FBXL7: variants seen among roughly 807,000 people sequenced by gnomAD.
The protein encoded by FBXL7 is F-box/LRR-repeat protein 7.
FBXL7 carries 12 observed loss-of-function variants against 38.3 expected under a neutral mutation model. The ratio of observed to expected loss-of-function variants is 0.31; its 90% CI spans 0.20 to 0.51. The LOEUF is 0.51. Among genes scored for constraint, FBXL7 ranks in the 20% least tolerant of loss-of-function variants. The pLI, the probability that FBXL7 is intolerant of heterozygous loss-of-function variation, is 0.98. For missense variants in FBXL7, 567 were observed against 676.4 expected (o/e 0.84, Z 1.79); for synonymous variants, 297 against 300.9 (o/e 0.99, Z 0.13).
At chr5:15,737,343 A>G (rs1378224588) in intron 2 of FBXL7, among the ~76,000 whole-genome samples, 1 of 152,146 alleles carries the variant, frequency 6.6e-6, no homozygotes, top group Non-Finnish European at 1.5e-5. Flanking sequence ...CTCCCTACAG[A>G]TGTTCAACAA....
At chr5:15,693,922 G>A (rs983654328) in intron 2 of FBXL7, among the ~76,000 whole-genome samples, 3 of 152,116 alleles carry the variant, frequency 2.0e-5, no homozygotes, top group African/African-American at 7.2e-5. Context: ...CCAAGCCCAC[G>A]TGTGATCCAA....
At chr5:15,518,597 G>A (rs888541560) in intron 1 of FBXL7, among the ~76,000 whole-genome samples, 3 of 152,172 alleles carry the variant, frequency 2.0e-5, no homozygotes, top group African/African-American at 4.8e-5. Flanking sequence ...CGAATTGGCT[G>A]AAGGGATTGA....
chr5:15,512,036 A>C (rs1736809185), intron 1 of FBXL7, among the ~76,000 whole-genome samples: 1 of 152,228 alleles, frequency 6.6e-6, no homozygotes, highest in South Asian at 2.1e-4. Context: ...TGGGACATTA[A>C]GACAAAGTTA....
intron 1 of FBXL7, among the ~76,000 whole-genome samples, chr5:15,594,807 A>C (rs776840761): frequency 6.6e-6 from 1 of 152,158 alleles, no homozygotes; most frequent in Non-Finnish European, 1.5e-5. Flanking sequence ...TCTTCTTTGC[A>C]TGTTGCAGAA....
intron 1 of FBXL7, among the ~76,000 whole-genome samples, chr5:15,515,585 G>T (rs1258193236): frequency 6.6e-6 from 1 of 152,164 alleles, no homozygotes; most frequent in Non-Finnish European, 1.5e-5. Flanking sequence ...GCTCACAATA[G>T]TTGGTGAGTA....
intron 2 of FBXL7, among the ~76,000 whole-genome samples, chr5:15,887,549 C>G (rs1740727021): frequency 6.6e-6 from 1 of 152,172 alleles, no homozygotes; most frequent in Admixed American, 6.5e-5. Flanking sequence ...GAAATGGCTC[C>G]AAACCATCAA....
intron 2 of FBXL7, among the ~76,000 whole-genome samples, chr5:15,692,785 G>A (rs1743222465): frequency 6.6e-6 from 1 of 152,184 alleles, no homozygotes; most frequent in Admixed American, 6.5e-5. Context: ...GTGCCTACAT[G>A]AAGTCTGCTC....
intron 2 of FBXL7, among the ~76,000 whole-genome samples, chr5:15,683,594 C>A (rs183570727): frequency 7.9e-5 from 12 of 152,252 alleles, no homozygotes. Flanking sequence ...AAATTTATTT[C>A]ACAATAGACT....
intron 2 of FBXL7, among the ~76,000 whole-genome samples, chr5:15,768,186 T>C (rs1579446658): frequency 1.3e-5 from 2 of 152,296 alleles, no homozygotes; most frequent in East Asian, 3.9e-4. Context: ...CCTACTACTT[T>C]ACAGGTAGAG....
chr5:15,896,761 G>GA lies in FBXL7; in HGVS notation c.128-31117dup, dbSNP rs397944731. ...TAATAACTCAATCTGAACATGAGAA[G>GA]AAAAAAAAAAAACCCAGATTTGCCC... On this transcript the variant is annotated intron_variant, in intron 2 of 3. Transcript: ENST00000504595. Among the ~76,000 whole-genome samples, 1,294 of 140,806 alleles carry GA rather than the reference G, an allele frequency of 9.2e-3. 20 individuals are homozygous for GA. The highest frequency in any genetic ancestry group is 0.028 in the African/African-American group (1,078 of 38,608). 92.4% of individuals were successfully genotyped at this position (140,806 alleles called of 152,430 possible).
At chr5:15,628,595 G>T (rs554848420) in intron 2 of FBXL7, among the ~76,000 whole-genome samples, 1 of 152,200 alleles carries the variant, frequency 6.6e-6, no homozygotes, top group African/African-American at 2.4e-5. Flanking sequence ...GCCAACTTCT[G>T]AATAATCCAT....
At chr5:15,637,601 A>G (rs1741228014) in intron 2 of FBXL7, among the ~76,000 whole-genome samples, 1 of 152,200 alleles carries the variant, frequency 6.6e-6, no homozygotes, top group African/African-American at 2.4e-5. Context: ...ACCATTCTAT[A>G]TTGGTTACTT....
chr5:15,818,466 T>TA (rs1353831497), intron 2 of FBXL7, among the ~76,000 whole-genome samples: 2 of 105,326 alleles, frequency 1.9e-5, no homozygotes, highest in African/African-American at 2.8e-5. Context: ...TCCTTTCTTT[T>TA]AAAAAATCTT....
intron 2 of FBXL7, among the ~76,000 whole-genome samples, chr5:15,641,590 G>A (rs1741371028): frequency 6.6e-6 from 1 of 151,652 alleles, no homozygotes; most frequent in African/African-American, 2.4e-5. Flanking sequence ...TAAATATGAT[G>A]TCGGGGTGTG....
At chr5:15,861,037 AC>A (rs1739451777) in intron 2 of FBXL7, among the ~76,000 whole-genome samples, 1 of 152,180 alleles carries the variant, frequency 6.6e-6, no homozygotes, top group Non-Finnish European at 1.5e-5. Flanking sequence ...ATGGCATTCC[AC>A]AGTGGTACAT....
At chr5:15,860,443 G>A (rs1274023039) in intron 2 of FBXL7, among the ~76,000 whole-genome samples, 2 of 152,174 alleles carry the variant, frequency 1.3e-5, no homozygotes, top group East Asian at 3.9e-4. Context: ...GTGCATCCAG[G>A]CTACCAATAA....
At chr5:15,534,161 C>A (rs1165259860) in intron 1 of FBXL7, among the ~76,000 whole-genome samples, 4 of 152,174 alleles carry the variant, frequency 2.6e-5, no homozygotes, top group African/African-American at 7.2e-5. Flanking sequence ...AATCAGTAAA[C>A]CTACATTGAC....
intron 2 of FBXL7, among the ~76,000 whole-genome samples, chr5:15,816,097 A>G (rs1168990369): frequency 2.6e-5 from 4 of 152,104 alleles, no homozygotes; most frequent in Non-Finnish European, 5.9e-5. Context: ...GTTAGAAAGT[A>G]CTCCGAAATT....
At chr5:15,933,927 G>T (rs527859227) in intron 3 of FBXL7, among the ~76,000 whole-genome samples, 2 of 152,006 alleles carry the variant, frequency 1.3e-5, no homozygotes, top group Admixed American at 1.3e-4. Flanking sequence ...ATACAGCCTC[G>T]GTAGTAGAAT....
Sources: allele counts gnomAD v4.1 joint callset (sites outside exome capture counted in the v4.1 genomes callset), GRCh38; gene constraint gnomAD v4.1.1; transcripts MANE v1.5; gene names NCBI Gene and HGNC (gene_info 2026-07-23, HGNC 2026-07-21).